DDAH1: variants seen among roughly 807,000 people sequenced by gnomAD.
DDAH1 encodes dimethylarginine dimethylaminohydrolase 1.
In DDAH1, 19 loss-of-function variants were observed where a neutral mutation model predicts 28.8. That is an observed-to-expected ratio of 0.66 (90% CI 0.46 to 0.97). The LOEUF is 0.97. DDAH1 is among the 50% of genes least tolerant of loss of function. The probability of loss-of-function intolerance (pLI) is 0.00; values close to 1 mark genes in which losing one functional copy is unlikely to be tolerated. For synonymous variants in DDAH1, 153 were observed against 154.4 expected (o/e 0.99, Z 0.07); for missense variants, 326 against 375.9 (o/e 0.87, Z 1.10).
intron 4 of DDAH1, among the ~76,000 whole-genome samples, chr1:85,334,399 A>C (rs1409598161): frequency 6.6e-6 from 1 of 152,196 alleles, no homozygotes; most frequent in Non-Finnish European, 1.5e-5. Context: ...AAATAATTCT[A>C]AAAACAGCAA....
At chr1:85,498,456 T>C (rs1332479227) in intron 1 of DDAH1, among the ~76,000 whole-genome samples, 1 of 152,188 alleles carries the variant, frequency 6.6e-6, no homozygotes. Context: ...AAGAACATAT[T>C]GGAAAACAGA....
rs1216294705 is a variant in DDAH1 at position 85,479,222 on chromosome 1, G to A, written c.-7+16944C>T. 1.1e-4 allele frequency among the ~76,000 whole-genome samples: 16 copies of A among 142,530 alleles called. No homozygotes were observed. In the South Asian group the frequency reaches 2.4e-3, roughly 22 times the overall value. 93.5% of individuals were successfully genotyped at this position (142,530 alleles called of 152,430 possible). On this transcript the variant is annotated intron_variant, in intron 2 of 6. Transcript: ENST00000426972. ...TGCTCTGTCGCCCAGGCCGGACTGCGGACTGCAGTGGCGCGATCTCGGCTC... is the reference window on the plus strand; with the variant it reads ...TGCTCTGTCGCCCAGGCCGGACTGCAGACTGCAGTGGCGCGATCTCGGCTC...
intron 1 of DDAH1, chr1:85,577,919 TGGGGA>T: frequency 1.1e-6 from 1 of 948,046 alleles, no homozygotes; most frequent in Non-Finnish European, 1.3e-6. Flanking sequence ...GGCACCCGTA[TGGGGA>T]GGGTGAAGGA....
chr1:85,444,062 G>C (rs1654324995), intron 1 of DDAH1, among the ~76,000 whole-genome samples: 1 of 152,186 alleles, frequency 6.6e-6, no homozygotes, highest in Admixed American at 6.5e-5. Flanking sequence ...TTGAACAGGA[G>C]TAGTGAGAGA....
At chr1:85,452,858 C>G (rs1204548501) in intron 1 of DDAH1, among the ~76,000 whole-genome samples, 1 of 152,204 alleles carries the variant, frequency 6.6e-6, no homozygotes, top group Non-Finnish European at 1.5e-5. Context: ...CAAAAACTTT[C>G]TCCTGGCTAA....
chr1:85,556,059 C>T (rs1444636481), intron 1 of DDAH1, among the ~76,000 whole-genome samples: 1 of 151,894 alleles, frequency 6.6e-6, no homozygotes, highest in African/African-American at 2.4e-5. Flanking sequence ...AGTGCGGCCA[C>T]CGCCACCACC....
intron 1 of DDAH1, among the ~76,000 whole-genome samples, chr1:85,404,112 T>C (rs1003548020): frequency 6.6e-6 from 1 of 152,050 alleles, no homozygotes; most frequent in African/African-American, 2.4e-5. Context: ...TTTAAGCCCA[T>C]ACGAAAGAAA....
intron 4 of DDAH1, among the ~76,000 whole-genome samples, chr1:85,327,225 T>C (rs1356435416): frequency 6.6e-6 from 1 of 152,148 alleles, no homozygotes; most frequent in Non-Finnish European, 1.5e-5. Flanking sequence ...TGTAGTCACC[T>C]CCTCAGGAGG....
At position 85,370,078 on chromosome 1, in the gene DDAH1, G is replaced by C. The variant is rs370709662; in HGVS notation, c.304-11231C>G. Reference sequence around the variant, plus strand: ...TATGTTGAAAACTCCCAGGGCTTAAGAATGTGACTGCCTTTAGAGATGGGG... The same window carrying C: ...TATGTTGAAAACTCCCAGGGCTTAACAATGTGACTGCCTTTAGAGATGGGG... On this transcript the variant is annotated intron_variant, in intron 1 of 5. Coordinates refer to ENST00000284031, the MANE Select transcript of DDAH1 (RefSeq NM_012137.4). Among the ~76,000 whole-genome samples the C allele has an allele frequency of 1.5e-4, 23 of 152,312 alleles. No homozygotes were observed. The East Asian group carries it at 3.3e-3, about 22-fold the overall frequency.
intron 1 of DDAH1, among the ~76,000 whole-genome samples, chr1:85,507,749 C>T (rs889698345): frequency 6.6e-6 from 1 of 152,060 alleles, no homozygotes; most frequent in African/African-American, 2.4e-5. Context: ...GTTGTTATGG[C>T]CTTTTAGTCT....
intron 1 of DDAH1, among the ~76,000 whole-genome samples, chr1:85,539,794 C>G (rs1658414521): frequency 6.6e-6 from 1 of 152,062 alleles, no homozygotes; most frequent in South Asian, 2.1e-4. Flanking sequence ...TTTTAATGAC[C>G]CAGTTTGATT....
chr1:85,412,709 A>G (rs1262466834), intron 1 of DDAH1, among the ~76,000 whole-genome samples: 1 of 152,164 alleles, frequency 6.6e-6, no homozygotes, highest in Non-Finnish European at 1.5e-5. Context: ...CATGTATAAA[A>G]TATTTTGAGG....
At chr1:85,390,864 C>T (rs967463251) in intron 1 of DDAH1, among the ~76,000 whole-genome samples, 3 of 152,134 alleles carry the variant, frequency 2.0e-5, no homozygotes, top group African/African-American at 7.2e-5. Flanking sequence ...TCAAATCTTA[C>T]TACAGATAAT....
At chr1:85,512,318 C>G (rs1250156488) in intron 1 of DDAH1, among the ~76,000 whole-genome samples, 1 of 152,158 alleles carries the variant, frequency 6.6e-6, no homozygotes, top group Non-Finnish European at 1.5e-5. Context: ...GCTAAAAACT[C>G]TCAATAAACT....
In DDAH1 at chr1:85,351,587, A is replaced by G. The variant is rs1649206092; in HGVS notation, c.404-8T>C. On this transcript the variant is annotated splice_polypyrimidine_tract_variant and splice_region_variant and intron_variant, in intron 2 of 5. Transcript: ENST00000284031. The stretch of plus-strand genomic sequence containing the variant: ...CCACAAAAAATTCTCTGCCTGTAAT[A>G]GATGTCATGGAACATAGTGAGCAGG... The G allele has an allele frequency of 6.8e-6, 11 of 1,611,946 alleles. No individual in the cohort carries two copies. Among genetic ancestry groups the G allele is most frequent in the East Asian group, 2.2e-5 (1 of 44,862 alleles).
At chr1:85,549,775 C>A (rs986079268) in intron 1 of DDAH1, among the ~76,000 whole-genome samples, 1 of 152,142 alleles carries the variant, frequency 6.6e-6, no homozygotes, top group African/African-American at 2.4e-5. Context: ...ATGAGTTAAT[C>A]TCTTATTTCT....
intron 2 of DDAH1, among the ~76,000 whole-genome samples, chr1:85,491,151 A>G (rs1434710635): frequency 2.7e-5 from 4 of 149,498 alleles, no homozygotes; most frequent in African/African-American, 9.9e-5. Context: ...GGCTCAAATG[A>G]GCCTCCCACC....
chr1:85,358,787 C>A lies in DDAH1; in HGVS notation c.364G>T (p.Glu122Ter). ...LQLNIVEMKD[E>*]NATLDGGDVL... ...TCTCCGCCATCTAAAGTTGCATTTT[C>A]ATCTTTCATCTCTACTATATTGAGC... The change falls in exon 2 of 6, where the codon GAA becomes TAA. Residue 122 changes from glutamate (E) to a stop codon, truncating the protein, a stop_gained. Coordinates refer to ENST00000284031, the MANE Select transcript of DDAH1 (RefSeq NM_012137.4). LOFTEE classifies it high-confidence loss of function. 1 of 1,612,694 alleles carries A rather than the reference C, an allele frequency of 6.2e-7. No homozygotes were observed. Among genetic ancestry groups the A allele is most frequent in the Non-Finnish European group, 8.5e-7 (1 of 1,179,378 alleles).
rs540557276 is a variant in DDAH1, at chr1:85,475,519, T to C, written c.-7+20647A>G. Reference sequence around the variant, plus strand: ...CTTCCCCTGCTGAATGGGAACCTTCTTATATTAAATTTTGGTAAGAATTAC... The same window carrying C: ...CTTCCCCTGCTGAATGGGAACCTTCCTATATTAAATTTTGGTAAGAATTAC... On this transcript the variant is annotated intron_variant, in intron 2 of 6. Transcript: ENST00000426972. Among the ~76,000 whole-genome samples, 4 of 152,366 alleles carry C rather than the reference T, an allele frequency of 2.6e-5. No individual in the cohort carries two copies. The South Asian group carries it at 8.3e-4, about 32-fold the overall frequency.
Sources: allele counts gnomAD v4.1 joint callset (sites outside exome capture counted in the v4.1 genomes callset), GRCh38; gene constraint gnomAD v4.1.1; transcripts MANE v1.5; gene names NCBI Gene and HGNC (gene_info 2026-07-23, HGNC 2026-07-21).